CRLF3: variants seen among roughly 807,000 people sequenced by gnomAD.
CRLF3 encodes cytokine receptor like factor 3.
Under a neutral mutation model 55.0 loss-of-function variants are expected in CRLF3, and 33 were observed. That is an observed-to-expected ratio of 0.60 (90% CI 0.46 to 0.80). The LOEUF (loss-of-function observed/expected upper bound fraction) is 0.80, where lower values mean the gene tolerates loss of function less well. CRLF3 is among the 30% of genes least tolerant of loss of function. CRLF3 has a pLI of 0.00. For missense variants in CRLF3, 494 were observed against 538.4 expected, an observed-to-expected ratio of 0.92 and a Z score of 0.82; for synonymous variants, 238 against 196.8, an observed-to-expected ratio of 1.21 and a Z score of -1.75.
At chr17:30,784,752 A>C in intron 7 of CRLF3, 1 of 235,242 alleles carries the variant, frequency 4.3e-6, no homozygotes, top group East Asian at 9.9e-5. Context: ...TTGACTCACC[A>C]ACACAATTTT....
At chr17:30,818,440 GCTTT>G (rs973592586) in intron 1 of CRLF3, among the ~76,000 whole-genome samples, 5 of 150,650 alleles carry the variant, frequency 3.3e-5, no homozygotes, top group Non-Finnish European at 5.9e-5. Context: ...AGCAATAATG[GCTTT>G]CTTTTCTTTT....
At chr17:30,796,725 C>A (rs1279409912) in intron 3 of CRLF3, among the ~76,000 whole-genome samples, 3 of 132,276 alleles carry the variant, frequency 2.3e-5, no homozygotes, top group Non-Finnish European at 3.3e-5. Flanking sequence ...CAGTGAAACG[C>A]TTTTTTTTTT....
chr17:30,807,228 TTTG>T (rs1470170013), intron 1 of CRLF3, among the ~76,000 whole-genome samples: 1 of 152,084 alleles, frequency 6.6e-6, no homozygotes, highest in African/African-American at 2.4e-5. Flanking sequence ...CCATAACCCT[TTTG>T]TTAACTTTCT....
chr17:30,818,155 G>C (rs1367438984), intron 1 of CRLF3, among the ~76,000 whole-genome samples: 1 of 151,834 alleles, frequency 6.6e-6, no homozygotes, highest in Non-Finnish European at 1.5e-5. Flanking sequence ...AAGTACTCAG[G>C]AGGCTGAGGC....
intron 6 of CRLF3, among the ~76,000 whole-genome samples, chr17:30,790,110 C>T (rs1319178422): frequency 1.3e-5 from 2 of 152,020 alleles, no homozygotes; most frequent in Admixed American, 6.6e-5. Context: ...CTGACAACCG[C>T]TGACAATTCA....
At chr17:30,802,171 G>A (rs1338470274) in intron 2 of CRLF3, among the ~76,000 whole-genome samples, 2 of 151,952 alleles carry the variant, frequency 1.3e-5, no homozygotes, top group Non-Finnish European at 2.9e-5. Context: ...CACCCAGGCT[G>A]GAGTGCAGTG....
intron 2 of CRLF3, among the ~76,000 whole-genome samples, chr17:30,802,649 C>T (rs1972026315): frequency 6.8e-6 from 1 of 147,606 alleles, no homozygotes; most frequent in South Asian, 2.2e-4. Flanking sequence ...TCTTAAACTC[C>T]TGACCTCAAG....
Position 30,783,880 on chromosome 17 carries a change from C to A in CRLF3, c.*307G>T. ...CATTAAGTTTTCCTGGTCTAATAAC[C>A]AACTTTGAGAAGTACAGTGGAAGGG... On this transcript the variant is annotated 3_prime_UTR_variant, in exon 8 of 8. Coordinates refer to ENST00000324238, the MANE Select transcript of CRLF3 (RefSeq NM_015986.4). 4.3e-6 allele frequency: 1 copy of A among 231,042 alleles called. No homozygotes were observed. The highest frequency in any genetic ancestry group is 8.4e-6 in the Non-Finnish European group (1 of 118,698). 14.3% of individuals were successfully genotyped at this position (231,042 alleles called of 1,614,324 possible).
intron 2 of CRLF3, among the ~76,000 whole-genome samples, chr17:30,798,382 G>A (rs564870976): frequency 1.2e-4 from 17 of 144,534 alleles, no homozygotes; most frequent in African/African-American, 3.8e-4. Flanking sequence ...CGTCCCCCCC[G>A]CCAAAAAAAA....
rs531961856 is a variant in CRLF3 at position 30,798,389 on chromosome 17, A to G, written c.338-991T>C. Among the ~76,000 whole-genome samples the G allele has an allele frequency of 4.2e-3, 635 of 151,848 alleles. 1 individual carries two copies. The highest frequency in any genetic ancestry group is 0.015 in the African/African-American group (613 of 41,428). ...CGAGACTCCGTCCCCCCCGCCAAAA[A>G]AAAAAGTTACATAGAGGCATATGAT... On this transcript the variant is annotated intron_variant, in intron 2 of 7. Coordinates refer to ENST00000324238, the MANE Select transcript of CRLF3 (RefSeq NM_015986.4).
chr17:30,790,517 T>C (rs1567659160), intron 6 of CRLF3: 1 of 151,510 alleles, frequency 6.6e-6, no homozygotes. Context: ...AGCATATACA[T>C]AATATGTTTA....
intron 5 of CRLF3, chr17:30,792,792 A>C (rs78635758): frequency 7.0e-6 from 3 of 429,344 alleles, no homozygotes; most frequent in Non-Finnish European, 1.3e-5. Context: ...TAAATCACAC[A>C]AGTGTTATCT....
chr17:30,805,632 T>C (rs1433603396), intron 1 of CRLF3, among the ~76,000 whole-genome samples: 1 of 150,498 alleles, frequency 6.6e-6, no homozygotes, highest in Non-Finnish European at 1.5e-5. Context: ...GAGAATCGGT[T>C]GAACCCGGGA....
At position 30,796,305 on chromosome 17, in the gene CRLF3, G is replaced by T. The variant is rs1971917130; in HGVS notation, c.458C>A (p.Pro153His). The T allele has an allele frequency of 1.2e-6, 2 of 1,613,690 alleles. No homozygotes were observed. Among genetic ancestry groups the T allele is most frequent in the Non-Finnish European group, 1.7e-6 (2 of 1,179,862 alleles). The change falls in exon 4 of 8, where the codon CCT becomes CAT. Residue 153 changes from proline to histidine, a missense_variant. By Grantham distance (77) the Pro-to-His change is moderately conservative. Transcript: ENST00000324238. ...GTCATCCAACTGAGCAGATAAACAAGGCACATCAACCAGTAAAGGTACTTC... is the reference window on the plus strand; with the variant it reads ...GTCATCCAACTGAGCAGATAAACAATGCACATCAACCAGTAAAGGTACTTC... ...LPEVPLLVDVPCLSAQLDDSI... is the reference protein window; with the variant it reads ...LPEVPLLVDVHCLSAQLDDSI...
intron 1 of CRLF3, among the ~76,000 whole-genome samples, chr17:30,819,651 T>C (rs1232595227): frequency 1.3e-5 from 2 of 152,134 alleles, no homozygotes; most frequent in Non-Finnish European, 2.9e-5. Context: ...CTAATTTGTA[T>C]TTTTTTAGTA....
chr17:30,793,684 A>T lies in CRLF3; in HGVS notation c.604-12T>A. 1 of 1,582,934 alleles carries T rather than the reference A, an allele frequency of 6.3e-7. No homozygotes were observed. The highest frequency in any genetic ancestry group is 8.6e-7 in the Non-Finnish European group (1 of 1,156,668). On this transcript the variant is annotated splice_polypyrimidine_tract_variant and intron_variant, in intron 4 of 7. Coordinates refer to ENST00000324238, the MANE Select transcript of CRLF3 (RefSeq NM_015986.4). ...AAGTCATCATCCACCTAGGGAGAAAAGCTTTATGTTAGGTAAAAAACAGAA... is the reference window on the plus strand; with the variant it reads ...AAGTCATCATCCACCTAGGGAGAAATGCTTTATGTTAGGTAAAAAACAGAA...
At chr17:30,809,729 C>T (rs148484104) in intron 1 of CRLF3, 1,890 of 152,310 alleles carry the variant, frequency 0.012, 29 homozygotes, top group Middle Eastern at 0.031. Context: ...CAACTCACTG[C>T]GGCCTCGAAC....
chr17:30,801,196 C>A (rs1972003263), intron 2 of CRLF3: 1 of 152,156 alleles, frequency 6.6e-6, no homozygotes, highest in Non-Finnish European at 1.5e-5. Context: ...GCTGGGATTA[C>A]AGGTGTGAGC....
intron 4 of CRLF3, among the ~76,000 whole-genome samples, chr17:30,795,143 A>C (rs1971891510): frequency 6.6e-6 from 1 of 152,188 alleles, no homozygotes; most frequent in East Asian, 1.9e-4. Context: ...CTGTTAGAAA[A>C]TAACAACAGC....
Sources: gnomAD v4.1 joint callset for allele counts (sites outside exome capture counted in the v4.1 genomes callset) on GRCh38, gnomAD v4.1.1 for gene constraint, MANE v1.5 for transcripts, NCBI Gene and HGNC (gene_info 2026-07-23, HGNC 2026-07-21) for gene names.